The following LRRTM3 variants were observed in gnomAD, a reference collection of about 807,000 sequenced individuals.
LRRTM3 encodes the protein leucine rich repeat transmembrane neuronal 3.
LRRTM3 carries 24 observed loss-of-function variants against 44.7 expected under a neutral mutation model. That is an observed-to-expected ratio of 0.54 (90% CI 0.39 to 0.76). The LOEUF is 0.76. Among genes scored for constraint, LRRTM3 ranks in the 30% least tolerant of loss-of-function variants. LRRTM3 has a pLI of 0.00. For missense variants in LRRTM3, 587 were observed against 702.2 expected, an observed-to-expected ratio of 0.84 and a Z score of 1.85; for synonymous variants, 277 against 278.7, an observed-to-expected ratio of 0.99 and a Z score of 0.06.
At chr10:67,063,450 C>G (rs1409444113) in intron 2 of LRRTM3, among the ~76,000 whole-genome samples, 1 of 152,062 alleles carries the variant, frequency 6.6e-6, no homozygotes. Flanking sequence ...TATGAGTACT[C>G]CAAGTTCCAA....
rs200843897 is a variant in LRRTM3 at position 67,019,877 on chromosome 10, C to T, written c.1537-77710C>T. Among the ~76,000 whole-genome samples the T allele has an allele frequency of 9.9e-5, 15 of 152,226 alleles. No individual in the cohort carries two copies. The East Asian group carries it at 2.9e-3, about 29-fold the overall frequency. ...TCTTCCGTTCTTGCCTAATTTTCTC[C>T]ATTGCTGTAATTCTACCATAAAAAC... is the stretch of plus-strand genomic sequence containing the variant. On this transcript the variant is annotated intron_variant, in intron 2 of 2. Coordinates refer to ENST00000361320, the MANE Select transcript of LRRTM3 (RefSeq NM_178011.5).
intron 2 of LRRTM3, among the ~76,000 whole-genome samples, chr10:67,070,501 C>T (rs1214360929): frequency 6.6e-6 from 1 of 152,020 alleles, no homozygotes; most frequent in African/African-American, 2.4e-5. Context: ...GTAATCTCAG[C>T]ACTTTGGGAG....
rs763772079 is a variant in LRRTM3 at position 66,928,427 on chromosome 10, A to G, written c.1511A>G (p.Asn504Ser). 1.2e-5 allele frequency: 20 copies of G among 1,610,650 alleles called. No homozygotes were observed. The Admixed American group carries it at 3.4e-4, about 27-fold the overall frequency. The part of the protein sequence containing the change: ...LLNGTGPCTY[N>S]KSGSRECEIP... ...AATGGGACGGGACCCTGCACCTATA[A>G]CAAATCGGGCTCCAGGGAGTGTGAG... Residue 504 changes from asparagine to serine, a missense_variant, in exon 2 of 3, where the codon AAC becomes AGC. Transcript: ENST00000361320.
intron 2 of LRRTM3, among the ~76,000 whole-genome samples, chr10:67,023,819 GA>G (rs1285962653): frequency 6.6e-6 from 1 of 152,148 alleles, no homozygotes; most frequent in Non-Finnish European, 1.5e-5. Flanking sequence ...GCAAGGTTAG[GA>G]TACAGGAGTT....
At chr10:67,051,425 C>T (rs942831053) in intron 2 of LRRTM3, among the ~76,000 whole-genome samples, 1 of 151,798 alleles carries the variant, frequency 6.6e-6, no homozygotes, top group Non-Finnish European at 1.5e-5. Context: ...GAAATGCTAT[C>T]TAATTTCCTT....
intron 2 of LRRTM3, among the ~76,000 whole-genome samples, chr10:67,032,782 ATG>A (rs1450294508): frequency 6.6e-6 from 1 of 151,996 alleles, no homozygotes; most frequent in Non-Finnish European, 1.5e-5. Flanking sequence ...TCCTTTTTTT[ATG>A]TGTTCTCAGT....
At chr10:67,094,536 C>G (rs1857849128) in intron 2 of LRRTM3, among the ~76,000 whole-genome samples, 2 of 151,732 alleles carry the variant, frequency 1.3e-5, no homozygotes, top group Admixed American at 1.3e-4. Context: ...GGTCCTTCCA[C>G]TGATATTTAG....
intron 2 of LRRTM3, among the ~76,000 whole-genome samples, chr10:66,966,462 G>T (rs893928651): frequency 6.3e-5 from 9 of 142,568 alleles, no homozygotes; most frequent in Non-Finnish European, 1.2e-4. Context: ...ATATGCAGCT[G>T]GGTTAACTCG....
At chr10:66,939,511 C>T (rs1314075935) in intron 2 of LRRTM3, among the ~76,000 whole-genome samples, 1 of 152,110 alleles carries the variant, frequency 6.6e-6, no homozygotes, top group African/African-American at 2.4e-5. Flanking sequence ...GTATTCAACT[C>T]TTTTGTTTGG....
At chr10:67,011,993 A>C (rs1406386113) in intron 2 of LRRTM3, among the ~76,000 whole-genome samples, 1 of 152,048 alleles carries the variant, frequency 6.6e-6, no homozygotes, top group Non-Finnish European at 1.5e-5. Context: ...CATTTCAAGA[A>C]CTCTATAGGC....
chr10:67,020,768 A>C (rs1240445465), intron 2 of LRRTM3, among the ~76,000 whole-genome samples: 1 of 152,214 alleles, frequency 6.6e-6, no homozygotes, highest in Non-Finnish European at 1.5e-5. Flanking sequence ...TTCTAATGGA[A>C]TGACCATGTA....
intron 2 of LRRTM3, among the ~76,000 whole-genome samples, chr10:67,014,265 A>T (rs907993741): frequency 1.1e-4 from 17 of 152,154 alleles, no homozygotes; most frequent in African/African-American, 4.1e-4. Context: ...ATCCCTTATA[A>T]AATTGATGCA....
chr10:66,986,378 T>G (rs1022263503), intron 2 of LRRTM3, among the ~76,000 whole-genome samples: 1 of 151,946 alleles, frequency 6.6e-6, no homozygotes, highest in African/African-American at 2.4e-5. Flanking sequence ...ATGCCTATAG[T>G]CCCAGCTACT....
At chr10:67,004,907 G>A (rs879827691) in intron 2 of LRRTM3, among the ~76,000 whole-genome samples, 2 of 152,146 alleles carry the variant, frequency 1.3e-5, no homozygotes, top group Non-Finnish European at 2.9e-5. Context: ...GTAGAACGCA[G>A]TATTTTAAGA....
Position 66,941,973 on chromosome 10 carries a change from C to G in LRRTM3, c.1536+13521C>G, listed in dbSNP as rs772829088. 9.9e-5 allele frequency among the ~76,000 whole-genome samples: 15 copies of G among 152,072 alleles called. 1 individual carries two copies. The highest frequency in any genetic ancestry group is 6.2e-4 in the South Asian group (3 of 4,822). On this transcript the variant is annotated intron_variant, in intron 2 of 2. Transcript: ENST00000361320. ...TGATTTCATGGTGTAGGAGGGAGAT[C>G]GTAGACTTCGAATCCACTAGACCTG...
At chr10:67,000,222 T>C (rs891856460) in intron 2 of LRRTM3, among the ~76,000 whole-genome samples, 1 of 152,186 alleles carries the variant, frequency 6.6e-6, no homozygotes, top group Non-Finnish European at 1.5e-5. Flanking sequence ...AATCTTTAGA[T>C]AAATTACTAA....
At chr10:67,003,478 T>C (rs1851795612) in intron 2 of LRRTM3, among the ~76,000 whole-genome samples, 1 of 152,208 alleles carries the variant, frequency 6.6e-6, no homozygotes, top group African/African-American at 2.4e-5. Context: ...CAAGATCGAA[T>C]ACTTTTGGGA....
chr10:67,084,134 A>T (rs1272562778), intron 2 of LRRTM3, among the ~76,000 whole-genome samples: 1 of 152,048 alleles, frequency 6.6e-6, no homozygotes, highest in Admixed American at 6.6e-5. Context: ...ACTAATCTCA[A>T]ATTCACTTAT....
At chr10:66,950,653 CA>C (rs1848492526) in intron 2 of LRRTM3, among the ~76,000 whole-genome samples, 1 of 152,032 alleles carries the variant, frequency 6.6e-6, no homozygotes, top group South Asian at 2.1e-4. Flanking sequence ...GCAAAAGAAC[CA>C]TTAGAAATAT....
Sources: allele counts gnomAD v4.1 joint callset (sites outside exome capture counted in the v4.1 genomes callset), GRCh38; gene constraint gnomAD v4.1.1; transcripts MANE v1.5; gene names NCBI Gene and HGNC (gene_info 2026-07-23, HGNC 2026-07-21).